NRIP1: variants seen among roughly 807,000 people sequenced by gnomAD.
NRIP1 encodes nuclear receptor-interacting protein 1.
In NRIP1, 28 loss-of-function variants were observed where a neutral mutation model predicts 75.0. That is an observed-to-expected ratio of 0.37 (90% CI 0.28 to 0.51). The LOEUF is 0.51. NRIP1 is among the 20% of genes least tolerant of loss of function. The pLI is 0.92. For synonymous variants in NRIP1, 526 were observed against 487.6 expected, an observed-to-expected ratio of 1.08 and a Z score of -1.04; for missense variants, 1,435 against 1,343.7, an observed-to-expected ratio of 1.07 and a Z score of -1.06.
At position 14,968,056 on chromosome 21, in the gene NRIP1, T is replaced by A; in HGVS notation, c.137A>T (p.Glu46Val). ...AGAAATGTTAAAGTTCTGATCCTCT[T>A]CATTATGCCCAGCAGACTTTTTGTC... The part of the protein sequence containing the change: ...AVDKKSAGHN[E>V]EDQNFNISGS... Residue 46 changes from glutamate to valine, a missense_variant, in exon 4 of 4, where the codon GAA (glutamate) becomes GTA (valine). Transcript: ENST00000318948. The A allele has an allele frequency of 1.2e-6, 2 of 1,614,078 alleles. No homozygotes were observed. The highest frequency in any genetic ancestry group is 3.3e-5 in the Admixed American group (2 of 59,968).
intron 1 of NRIP1, among the ~76,000 whole-genome samples, chr21:15,064,010 T>C (rs1406501537): frequency 6.6e-6 from 1 of 152,200 alleles, no homozygotes; most frequent in Non-Finnish European, 1.5e-5. Context: ...TTGGAAGGGA[T>C]GGGAGGGTCT....
chr21:15,065,137 T>C, upstream of NRIP1: 1 of 152,392 alleles, frequency 6.6e-6, no homozygotes, highest in South Asian at 2.0e-4. Context: ...TTCTTAACCC[T>C]TTTCTCCCCC....
chr21:15,049,934 A>T (rs947235350), intron 1 of NRIP1, among the ~76,000 whole-genome samples: 2 of 152,268 alleles, frequency 1.3e-5, no homozygotes, highest in African/African-American at 4.8e-5. Flanking sequence ...ATTCCTAAAA[A>T]ACTTCAATAC....
At chr21:14,994,793 T>G (rs1005044540) in intron 3 of NRIP1, among the ~76,000 whole-genome samples, 1 of 152,172 alleles carries the variant, frequency 6.6e-6, no homozygotes, top group Admixed American at 6.6e-5. Context: ...TTTTCTGAGA[T>G]TCTAGGGATA....
At chr21:15,049,556 T>C (rs1272970176) in intron 1 of NRIP1, among the ~76,000 whole-genome samples, 1 of 152,072 alleles carries the variant, frequency 6.6e-6, no homozygotes, top group Non-Finnish European at 1.5e-5. Flanking sequence ...CTCAAAAGAA[T>C]AGGATTTAGG....
At chr21:14,981,570 G>GC (rs553126941) in intron 3 of NRIP1, among the ~76,000 whole-genome samples, 528 of 152,310 alleles carry the variant, frequency 3.5e-3, no homozygotes, top group African/African-American at 0.012. Flanking sequence ...AGGCAGATTA[G>GC]CGGTCTAGGG....
chr21:15,006,503 A>G (rs2087975991), intron 3 of NRIP1, among the ~76,000 whole-genome samples: 1 of 152,252 alleles, frequency 6.6e-6, no homozygotes. Context: ...AATATATGCT[A>G]AAATCAGTGT....
intron 2 of NRIP1, among the ~76,000 whole-genome samples, chr21:15,025,874 C>G (rs900205066): frequency 6.6e-6 from 1 of 152,194 alleles, no homozygotes; most frequent in Non-Finnish European, 1.5e-5. Flanking sequence ...GACTGAAGAA[C>G]TGTTCCAGAC....
At chr21:15,050,608 C>T (rs992615525) in intron 1 of NRIP1, 3 of 385,080 alleles carry the variant, frequency 7.8e-6, no homozygotes, top group Non-Finnish European at 1.5e-5. Context: ...AGGTTAGAGT[C>T]TAAGTTCAAA....
intron 2 of NRIP1, among the ~76,000 whole-genome samples, chr21:15,015,801 T>G (rs1255009461): frequency 6.6e-6 from 1 of 152,200 alleles, no homozygotes; most frequent in East Asian, 1.9e-4. Flanking sequence ...GAGGTAATTG[T>G]TATTTTTTCT....
rs1040306118 is a variant in NRIP1, at chr21:15,017,546, C to A, written c.-457-3080G>T. 4.6e-5 allele frequency among the ~76,000 whole-genome samples: 7 copies of A among 152,112 alleles called. No individual in the cohort carries two copies. In the East Asian group the frequency reaches 1.4e-3, roughly 29 times the overall value. Reference sequence around the variant, plus strand: ...TTTTACAGATATAATCTTAAAAAAACCCTGTAAGGTGATTATTATTATCCC... The same window carrying A: ...TTTTACAGATATAATCTTAAAAAAAACCTGTAAGGTGATTATTATTATCCC... On this transcript the variant is annotated intron_variant, in intron 2 of 3. Transcript: ENST00000318948.
chr21:15,058,183 C>T (rs1280060666), intron 1 of NRIP1, among the ~76,000 whole-genome samples: 1 of 152,138 alleles, frequency 6.6e-6, no homozygotes, highest in Non-Finnish European at 1.5e-5. Flanking sequence ...GATTTAGTAG[C>T]AGAACCTAAA....
intron 1 of NRIP1, 110 bp downstream of exon 1, chr21:15,064,635 C>A: frequency 1.3e-5 from 2 of 151,912 alleles, no homozygotes; most frequent in South Asian, 3.9e-4. Context: ...CCCCGACGCC[C>A]CCGCGGCCCT....
rs534601381 is a variant in NRIP1, at chr21:14,967,535, G to T, written c.658C>A (p.His220Asn). The stretch of plus-strand genomic sequence containing the variant: ...TTTGTTCCACTTTGTCCAACATGAT[G>T]AGGAGACTCTGCAAACCTATCTCTG... ...LIRDRFAESP[H>N]HVGQSGTKVM... is the part of the protein sequence containing the mutation. The change falls in exon 4 of 4, where the codon CAT (histidine) becomes AAT (asparagine). Residue 220 changes from histidine to asparagine, a missense_variant. His to Asn is a moderately conservative substitution (Grantham distance 68). Coordinates refer to ENST00000318948, the MANE Select transcript of NRIP1 (RefSeq NM_003489.4). 6.2e-7 allele frequency: 1 copy of T among 1,614,090 alleles called. No individual in the cohort carries two copies. Among genetic ancestry groups the T allele is most frequent in the African/African-American group, 1.3e-5 (1 of 75,006 alleles).
intron 1 of NRIP1, chr21:15,051,888 TCTGTGGGAAACCCATTTA>T: frequency 6.6e-6 from 1 of 152,328 alleles, no homozygotes; most frequent in East Asian, 1.9e-4. Flanking sequence ...CCGACATTAG[TCTGTGGGAAACCCATTTA>T]ACTGTCACAC....
intron 2 of NRIP1, among the ~76,000 whole-genome samples, chr21:15,018,036 T>C (rs2088277784): frequency 6.6e-6 from 1 of 152,206 alleles, no homozygotes; most frequent in Non-Finnish European, 1.5e-5. Flanking sequence ...GTGAGTAAAT[T>C]AGCCTTCAGT....
At chr21:15,028,296 C>T (rs2088567752) in intron 2 of NRIP1, among the ~76,000 whole-genome samples, 1 of 152,194 alleles carries the variant, frequency 6.6e-6, no homozygotes. Flanking sequence ...TCCTGATAAA[C>T]TTGCATAAGA....
chr21:15,004,050 T>C (rs1342798788), intron 3 of NRIP1, among the ~76,000 whole-genome samples: 1 of 152,152 alleles, frequency 6.6e-6, no homozygotes, highest in East Asian at 1.9e-4. Context: ...TACCTAAAAA[T>C]ATGTATCTTA....
In NRIP1 at chr21:15,031,304, A is replaced by G. The variant is rs924489734; in HGVS notation, c.-458+12191T>C. ...TCTGGAAGGCGGTTGGAGGTTCACCACATTCCCTTTCTATGTGTATACACT... is the reference window on the plus strand; with the variant it reads ...TCTGGAAGGCGGTTGGAGGTTCACCGCATTCCCTTTCTATGTGTATACACT... On this transcript the variant is annotated intron_variant, in intron 2 of 3. Transcript: ENST00000318948. 8.4e-4 allele frequency among the ~76,000 whole-genome samples: 124 copies of G among 146,794 alleles called. 2 individuals carry two copies. Among genetic ancestry groups the G allele is most frequent in the Non-Finnish European group, 1.6e-3 (107 of 66,592 alleles).
Sources: gnomAD v4.1 joint callset for allele counts (sites outside exome capture counted in the v4.1 genomes callset) on GRCh38, gnomAD v4.1.1 for gene constraint, MANE v1.5 for transcripts, NCBI Gene and HGNC (gene_info 2026-07-23, HGNC 2026-07-21) for gene names.